CTNNA2: variants seen among roughly 807,000 people sequenced by gnomAD.
The protein encoded by CTNNA2 is catenin alpha 2.
A neutral mutation model predicts 101.0 loss-of-function variants in CTNNA2; 42 were observed. That is an observed-to-expected ratio of 0.42 (90% CI 0.32 to 0.54). The LOEUF is 0.54. Ranked by LOEUF, CTNNA2 falls within the 20% of genes least tolerant of loss-of-function variation. CTNNA2 has a pLI of 0.14. For missense variants in CTNNA2, 871 were observed against 1,223.1 expected, an observed-to-expected ratio of 0.71 and a Z score of 4.29; for synonymous variants, 450 against 456.4, an observed-to-expected ratio of 0.99 and a Z score of 0.18.
At chr2:79,224,340 G>A (rs1240976811) in intron 2 of CTNNA2, among the ~76,000 whole-genome samples, 1 of 151,956 alleles carries the variant, frequency 6.6e-6, no homozygotes, top group East Asian at 1.9e-4. Context: ...TATTTTCAAC[G>A]CTTTATCTTG....
At chr2:80,352,998 A>G (rs996354225) in intron 7 of CTNNA2, among the ~76,000 whole-genome samples, 4 of 152,068 alleles carry the variant, frequency 2.6e-5, no homozygotes, top group Non-Finnish European at 5.9e-5. Context: ...CAGTACATGT[A>G]TCAGTGCTTG....
chr2:79,912,922 G>A (rs533983097), intron 7 of CTNNA2, among the ~76,000 whole-genome samples: 1 of 152,222 alleles, frequency 6.6e-6, no homozygotes, highest in East Asian at 1.9e-4. Context: ...CATTTTATGG[G>A]TTTTATTAAT....
intron 7 of CTNNA2, among the ~76,000 whole-genome samples, chr2:79,982,349 C>CACATATAAAACA (rs1691408887): frequency 9.2e-6 from 1 of 108,802 alleles, no homozygotes; most frequent in African/African-American, 4.0e-5. Context: ...CATATATAAC[C>CACATATAAAACA]TATATAACCT....
rs535530095 is a variant in CTNNA2, at chr2:79,427,413, T to A, written c.-135+53400T>A. Among the ~76,000 whole-genome samples the A allele has an allele frequency of 2.6e-5, 4 of 152,120 alleles. No homozygotes were observed. The South Asian group carries it at 8.3e-4, about 32-fold the overall frequency. ...GCTTGTAATATGTTACTAAAAAAAC[T>A]CATTAATTTCTTTCAATGCATTTTA... is the stretch of plus-strand genomic sequence containing the variant. On this transcript the variant is annotated intron_variant, in intron 4 of 21. Coordinates refer to the CTNNA2 transcript ENST00000466387.
At chr2:80,497,230 T>A (rs903975777) in intron 9 of CTNNA2, among the ~76,000 whole-genome samples, 1 of 152,180 alleles carries the variant, frequency 6.6e-6, no homozygotes, top group African/African-American at 2.4e-5. Context: ...CACAGTGCCA[T>A]TGTGTGAGGC....
intron 7 of CTNNA2, chr2:80,299,516 T>TC (rs1382211292): frequency 6.6e-6 from 1 of 152,188 alleles, no homozygotes; most frequent in Non-Finnish European, 1.5e-5. Flanking sequence ...AACATAGCTT[T>TC]CTATGGTCAT....
intron 7 of CTNNA2, among the ~76,000 whole-genome samples, chr2:80,032,966 C>T (rs1413815638): frequency 1.3e-5 from 2 of 151,844 alleles, no homozygotes; most frequent in Admixed American, 6.6e-5. Flanking sequence ...TCCTGGCCAG[C>T]ATGGTGAAAC....
intron 7 of CTNNA2, among the ~76,000 whole-genome samples, chr2:79,983,179 T>C (rs544723839): frequency 5.4e-5 from 8 of 149,198 alleles, no homozygotes; most frequent in East Asian, 1.9e-4. Flanking sequence ...TTAATACATA[T>C]ATGTTTTATA....
At chr2:79,277,161 C>T (rs1265779867) in intron 2 of CTNNA2, among the ~76,000 whole-genome samples, 2 of 152,096 alleles carry the variant, frequency 1.3e-5, no homozygotes, top group African/African-American at 4.8e-5. Flanking sequence ...AAACTCTCTC[C>T]CACCTCTGCT....
At chr2:79,823,959 A>C (rs1574063492) in intron 3 of CTNNA2, among the ~76,000 whole-genome samples, 1 of 152,298 alleles carries the variant, frequency 6.6e-6, no homozygotes, top group East Asian at 1.9e-4. Context: ...AAGCCAAAAC[A>C]GTGCTAAATG....
At chr2:80,197,684 A>T (rs577266671) in intron 7 of CTNNA2, among the ~76,000 whole-genome samples, 4 of 151,784 alleles carry the variant, frequency 2.6e-5, no homozygotes, top group Middle Eastern at 3.4e-3. Flanking sequence ...CCAAGTGCCA[A>T]CCTGACCCTT....
At chr2:80,301,266 C>T (rs1473201865) in intron 7 of CTNNA2, among the ~76,000 whole-genome samples, 2 of 152,236 alleles carry the variant, frequency 1.3e-5, no homozygotes, top group Non-Finnish European at 2.9e-5. Context: ...TCCAGAAGCA[C>T]AGCTTTCAGC....
intron 2 of CTNNA2, among the ~76,000 whole-genome samples, chr2:79,661,618 T>G (rs1682042227): frequency 6.6e-6 from 1 of 152,228 alleles, no homozygotes; most frequent in Admixed American, 6.5e-5. Context: ...GATGCTGGAC[T>G]AGATTTTCAA....
chr2:80,374,618 T>G (rs1362722164), intron 7 of CTNNA2, among the ~76,000 whole-genome samples: 1 of 151,972 alleles, frequency 6.6e-6, no homozygotes, highest in Non-Finnish European at 1.5e-5. Flanking sequence ...CCTCTGACCT[T>G]GACTTGGAGA....
At chr2:80,420,565 C>CTT (rs374359993) in intron 9 of CTNNA2, among the ~76,000 whole-genome samples, 2 of 149,470 alleles carry the variant, frequency 1.3e-5, no homozygotes, top group Non-Finnish European at 3.0e-5. Flanking sequence ...AAAATAAGTT[C>CTT]TTTTTTTTTT....
At chr2:80,319,095 A>G (rs1430904516) in intron 7 of CTNNA2, among the ~76,000 whole-genome samples, 2 of 152,176 alleles carry the variant, frequency 1.3e-5, no homozygotes, top group Admixed American at 6.5e-5. Context: ...TTGCAACTCT[A>G]TTCAAATGGT....
chr2:79,615,779 G>A (rs1339018602), intron 1 of CTNNA2, among the ~76,000 whole-genome samples: 1 of 152,150 alleles, frequency 6.6e-6, no homozygotes, highest in East Asian at 1.9e-4. Context: ...TCACCAAGTG[G>A]GTGTGAGGAG....
intron 7 of CTNNA2, among the ~76,000 whole-genome samples, chr2:79,989,952 C>T (rs778333379): frequency 1.1e-4 from 17 of 152,252 alleles, no homozygotes; most frequent in Non-Finnish European, 2.4e-4. Context: ...GGAGTTTGGT[C>T]TTCCGATTCA....
intron 7 of CTNNA2, among the ~76,000 whole-genome samples, chr2:80,092,617 G>GC (rs909102374): frequency 6.6e-6 from 1 of 152,084 alleles, no homozygotes; most frequent in Admixed American, 6.6e-5. Flanking sequence ...ATAGAAGACT[G>GC]CCCATCCCAC....
Sources: gnomAD v4.1 joint callset for allele counts (sites outside exome capture counted in the v4.1 genomes callset) on GRCh38, gnomAD v4.1.1 for gene constraint, MANE v1.5 for transcripts, NCBI Gene and HGNC (gene_info 2026-07-23, HGNC 2026-07-21) for gene names.